PRLR: variants seen among roughly 807,000 people sequenced by gnomAD.
PRLR encodes hPRL receptor.
In PRLR, 13 loss-of-function variants were observed where a neutral mutation model predicts 40.2. That is an observed-to-expected ratio of 0.32 (90% CI 0.21 to 0.51). The LOEUF is 0.51. PRLR is among the 20% of genes least tolerant of loss of function. The pLI is 0.97. For synonymous variants in PRLR, 269 were observed against 278.7 expected (o/e 0.97, Z 0.35); for missense variants, 656 against 747.3 (o/e 0.88, Z 1.42).
chr5:35,088,407 A>T (rs183216200), intron 3 of PRLR, among the ~76,000 whole-genome samples: 1 of 152,318 alleles, frequency 6.6e-6, no homozygotes, highest in East Asian at 1.9e-4. Context: ...TTATTTAAAA[A>T]GTTTAAAGCC....
At chr5:35,160,939 C>G (rs1774657283) in intron 1 of PRLR, among the ~76,000 whole-genome samples, 1 of 152,224 alleles carries the variant, frequency 6.6e-6, no homozygotes, top group Non-Finnish European at 1.5e-5. Context: ...AACTCTGTCT[C>G]TCACATGGCG....
chr5:35,174,283 T>C (rs2111955752), intron 1 of PRLR, among the ~76,000 whole-genome samples: 1 of 152,122 alleles, frequency 6.6e-6, no homozygotes, highest in African/African-American at 2.4e-5. Context: ...GGAGACGGAG[T>C]TTCACCATGT....
chr5:35,107,958 C>A (rs533985506), intron 2 of PRLR, among the ~76,000 whole-genome samples: 1 of 152,076 alleles, frequency 6.6e-6, no homozygotes, highest in Non-Finnish European at 1.5e-5. Flanking sequence ...TGATGAACAT[C>A]GATGCAAAAA....
At chr5:35,135,381 G>A (rs1022988945) in intron 1 of PRLR, 3 of 152,302 alleles carry the variant, frequency 2.0e-5, no homozygotes, top group Non-Finnish European at 4.4e-5. Flanking sequence ...CAGCGTGTAC[G>A]CGTTGGCTTC....
rs1367763037 is a variant in PRLR at position 35,059,866 on chromosome 5, C to T, written c.*5223G>A. 6.6e-6 allele frequency: 1 copy of T among 152,186 alleles called. No individual in the cohort carries two copies. Among genetic ancestry groups the T allele is most frequent in the South Asian group, 2.1e-4 (1 of 4,826 alleles). The allele number at this position is 152,186 out of a possible 1,614,324, so 9.4% of individuals were successfully genotyped here. On this transcript the variant is annotated 3_prime_UTR_variant, in exon 10 of 10. Coordinates refer to ENST00000618457, the MANE Select transcript of PRLR (RefSeq NM_000949.7). ...GTTTATTTATTGAGACAAGGTCTTG[C>T]TCTCTCACCCAGGCTGGAGTGCAGT... is the stretch of plus-strand genomic sequence containing the variant.
chr5:35,068,212 T>C lies in PRLR; in HGVS notation c.855+4A>G. On this transcript the variant is annotated splice_donor_region_variant and intron_variant, in intron 9 of 9. Transcript: ENST00000618457. ...CACTCCATTTTTTTGCCTCCTGTACTTACCTCCAACAGATGAGCATCAAAT... is the reference window on the plus strand; with the variant it reads ...CACTCCATTTTTTTGCCTCCTGTACCTACCTCCAACAGATGAGCATCAAAT... The C allele has an allele frequency of 6.2e-7, 1 of 1,609,482 alleles. No individual in the cohort carries two copies. The highest frequency in any genetic ancestry group is 8.5e-7 in the Non-Finnish European group (1 of 1,175,838).
At chr5:35,074,732 T>A (rs893486281) in intron 5 of PRLR, among the ~76,000 whole-genome samples, 1 of 151,964 alleles carries the variant, frequency 6.6e-6, no homozygotes. Flanking sequence ...ATAGTTGAAA[T>A]GGTGGATATG....
chr5:35,215,277 GT>G (rs1198480014), intron 1 of PRLR, among the ~76,000 whole-genome samples: 6 of 152,188 alleles, frequency 3.9e-5, no homozygotes, highest in Non-Finnish European at 8.8e-5. Context: ...TACAAGAAGG[GT>G]GTGAAATAGA....
intron 1 of PRLR, among the ~76,000 whole-genome samples, chr5:35,199,937 G>A (rs902381085): frequency 6.6e-6 from 1 of 152,194 alleles, no homozygotes; most frequent in Non-Finnish European, 1.5e-5. Flanking sequence ...AGGAAATGGG[G>A]TTGATCTCAA....
At chr5:35,109,503 A>T (rs1022795891) in intron 2 of PRLR, among the ~76,000 whole-genome samples, 8 of 152,148 alleles carry the variant, frequency 5.3e-5, no homozygotes, top group African/African-American at 1.9e-4. Flanking sequence ...TCTACAAAGA[A>T]CTTACAAATT....
At chr5:35,221,760 G>C (rs955416478) in intron 1 of PRLR, among the ~76,000 whole-genome samples, 1 of 152,160 alleles carries the variant, frequency 6.6e-6, no homozygotes, top group Non-Finnish European at 1.5e-5. Flanking sequence ...TGTTTAAGAG[G>C]CTTGCTTTTT....
At chr5:35,093,225 C>T (rs1234216098) in intron 2 of PRLR, among the ~76,000 whole-genome samples, 1 of 152,196 alleles carries the variant, frequency 6.6e-6, no homozygotes, top group Non-Finnish European at 1.5e-5. Flanking sequence ...ATACTATCCA[C>T]ATTAGGAAGG....
At chr5:35,128,384 A>G (rs1773540650) in intron 1 of PRLR, among the ~76,000 whole-genome samples, 1 of 151,300 alleles carries the variant, frequency 6.6e-6, no homozygotes, top group African/African-American at 2.4e-5. Flanking sequence ...ACCTATTCAC[A>G]TCCTCCCATA....
rs1285144543 is a variant in PRLR, at chr5:35,129,962, G to A, written c.-105-11840C>T. On this transcript the variant is annotated intron_variant, in intron 1 of 9. Transcript: ENST00000618457. ...GTGACTTACCCTGGGCATGTCGCAAGCCTGTCAAAGTTTGAATGCTTGCTT... is the reference window on the plus strand; with the variant it reads ...GTGACTTACCCTGGGCATGTCGCAAACCTGTCAAAGTTTGAATGCTTGCTT... Among the ~76,000 whole-genome samples the A allele has an allele frequency of 2.6e-5, 4 of 152,254 alleles. No individual in the cohort carries two copies. The East Asian group carries it at 7.7e-4, about 29-fold the overall frequency.
At position 35,065,222 on chromosome 5, in the gene PRLR, GC is replaced by G; in HGVS notation, c.1735del (p.Ala579ProfsTer54). 1 of 1,614,128 alleles carries G rather than the reference GC, an allele frequency of 6.2e-7. No homozygotes were observed. Among genetic ancestry groups the G allele is most frequent in the Non-Finnish European group, 8.5e-7 (1 of 1,180,012 alleles). On this transcript the variant is annotated frameshift_variant, in exon 10 of 10. Transcript: ENST00000618457. LOFTEE classifies it low-confidence loss of function (END_TRUNC). ...VACFEESAKE[A>X]PPSLEQNQAE... is the part of the protein sequence containing the mutation. ...TTGATTCTGTTCAAGTGATGGTGGG[GC>G]CTCTTTGGCTGATTCTTCAAAGCAA... is the stretch of plus-strand genomic sequence containing the variant.
At position 35,059,649 on chromosome 5, in the gene PRLR, A is replaced by G. The variant is rs938116342; in HGVS notation, c.*5440T>C. ...TCAAAATGGGTGCCATGAGGGTCCC[A>G]GACCAAAACTCACCATCCTGAAAAA... On this transcript the variant is annotated 3_prime_UTR_variant, in exon 10 of 10. Coordinates refer to ENST00000618457, the MANE Select transcript of PRLR (RefSeq NM_000949.7). The G allele has an allele frequency of 6.6e-6, 1 of 152,214 alleles. No homozygotes were observed. Among genetic ancestry groups the G allele is most frequent in the Non-Finnish European group, 1.5e-5 (1 of 68,040 alleles). 9.4% of individuals were successfully genotyped at this position (152,214 alleles called of 1,614,324 possible). A position where few individuals can be genotyped will look rare whatever the true frequency, so the allele number is the denominator to read the frequency against.
chr5:35,179,346 G>T (rs1775230238), intron 1 of PRLR, among the ~76,000 whole-genome samples: 1 of 152,096 alleles, frequency 6.6e-6, no homozygotes, highest in South Asian at 2.1e-4. Flanking sequence ...TAAAAATTTT[G>T]CCCACCTGTC....
Position 35,104,077 on chromosome 5 carries a change from G to T in PRLR, c.-44+13984C>A, listed in dbSNP as rs74361265. On this transcript the variant is annotated intron_variant, in intron 2 of 9. Transcript: ENST00000618457. Reference sequence around the variant, plus strand: ...ATATCCCGTACAGTTCAAAAGAGGGGTTCCCTGCTTAGCACAAACGTTCTG... The same window carrying T: ...ATATCCCGTACAGTTCAAAAGAGGGTTTCCCTGCTTAGCACAAACGTTCTG... 0.014 allele frequency among the ~76,000 whole-genome samples: 2,144 copies of T among 152,186 alleles called. 93 individuals carry two copies. In the East Asian group the frequency reaches 0.17, roughly 12 times the overall value.
chr5:35,106,528 G>A (rs1157647444), intron 2 of PRLR, among the ~76,000 whole-genome samples: 6 of 152,150 alleles, frequency 3.9e-5, no homozygotes. Context: ...AGGGATGGAG[G>A]AAGATCTACC....
Sources: allele counts gnomAD v4.1 joint callset (sites outside exome capture counted in the v4.1 genomes callset), GRCh38; gene constraint gnomAD v4.1.1; transcripts MANE v1.5; gene names NCBI Gene and HGNC (gene_info 2026-07-23, HGNC 2026-07-21).